ARFGAP3: variants seen among roughly 807,000 people sequenced by gnomAD.
The protein encoded by ARFGAP3 is ADP-ribosylation factor GTPase-activating protein 3.
A neutral mutation model predicts 75.0 loss-of-function variants in ARFGAP3; 72 were observed. The ratio of observed to expected loss-of-function variants is 0.96; its 90% CI spans 0.79 to 1.17. The LOEUF is 1.17. Among genes scored for constraint, ARFGAP3 ranks in the 50% most tolerant of loss-of-function variants. The pLI is 0.00. For synonymous variants in ARFGAP3, 221 were observed against 217.9 expected (o/e 1.01, Z -0.13); for missense variants, 620 against 626.6 (o/e 0.99, Z 0.11).
intron 2 of ARFGAP3, among the ~76,000 whole-genome samples, chr22:42,846,831 T>G (rs770155278): frequency 2.8e-4 from 42 of 152,242 alleles, no homozygotes; most frequent in Non-Finnish European, 5.3e-4. Flanking sequence ...AGAAGATGAT[T>G]GACATAAATC....
rs767829849 is a variant in ARFGAP3, at chr22:42,823,643, A to G, written c.672+13T>C. 6 of 1,540,424 alleles carry G rather than the reference A, an allele frequency of 3.9e-6. No individual in the cohort carries two copies. Among genetic ancestry groups the G allele is most frequent in the Non-Finnish European group, 5.3e-6 (6 of 1,131,844 alleles). The stretch of plus-strand genomic sequence containing the variant: ...ACTACCAGATTTTTATATATAAAGT[A>G]CATAATACTCACGCCTTTTTTAGCT... On this transcript the variant is annotated intron_variant, in intron 8 of 15. Coordinates refer to ENST00000263245, the MANE Select transcript of ARFGAP3 (RefSeq NM_014570.5).
At chr22:42,825,321 T>A (rs1291758023) in intron 7 of ARFGAP3, among the ~76,000 whole-genome samples, 1 of 152,212 alleles carries the variant, frequency 6.6e-6, no homozygotes, top group Non-Finnish European at 1.5e-5. Context: ...AAGCAGCCAG[T>A]GACGTGCTTT....
intron 1 of ARFGAP3, among the ~76,000 whole-genome samples, chr22:42,852,611 T>C (rs9607967): frequency 0.048 from 7,372 of 152,180 alleles, 284 homozygotes; most frequent in African/African-American, 0.11. Context: ...TCCACCCACC[T>C]TGGCCTCCCA....
At chr22:42,854,205 C>T (rs934296611) in intron 1 of ARFGAP3, among the ~76,000 whole-genome samples, 13 of 152,066 alleles carry the variant, frequency 8.5e-5, no homozygotes, top group Non-Finnish European at 2.9e-5. Context: ...AGTGTACATA[C>T]CTTTCATGCT....
chr22:42,849,420 C>A lies in ARFGAP3; in HGVS notation c.70-1788G>T, dbSNP rs375666095. On this transcript the variant is annotated intron_variant, in intron 1 of 15. Coordinates refer to ENST00000263245, the MANE Select transcript of ARFGAP3 (RefSeq NM_014570.5). The stretch of plus-strand genomic sequence containing the variant: ...GACTACGTTCCCTGCCCACTGAGGG[C>A]ACTGAGAGCTCTTACAGGGGTAGAA... 5.3e-5 allele frequency among the ~76,000 whole-genome samples: 8 copies of A among 152,296 alleles called. No homozygotes were observed. In the South Asian group the frequency reaches 1.0e-3, roughly 20 times the overall value.
At chr22:42,847,305 T>C in intron 2 of ARFGAP3, 1 of 474,678 alleles carries the variant, frequency 2.1e-6, no homozygotes, top group Non-Finnish European at 3.8e-6. Context: ...TAACTAGGAC[T>C]AGAGTTATAC....
intron 7 of ARFGAP3, among the ~76,000 whole-genome samples, chr22:42,824,895 G>A (rs546878827): frequency 2.6e-5 from 4 of 152,076 alleles, no homozygotes; most frequent in African/African-American, 9.6e-5. Context: ...CTTTATGTTC[G>A]TATGAACCCA....
At chr22:42,831,418 C>T (rs1323310187) in intron 6 of ARFGAP3, 131 bp downstream of exon 6, 19 of 843,778 alleles carry the variant, frequency 2.3e-5, no homozygotes, top group African/African-American at 1.0e-4. Flanking sequence ...GCGATCCCCC[C>T]GCCTCAGCCT....
chr22:42,796,517 T>C lies in ARFGAP3; in HGVS notation c.*1071A>G, dbSNP rs1924611188. 6.6e-6 allele frequency: 1 copy of C among 152,228 alleles called. No individual in the cohort carries two copies. Among genetic ancestry groups the C allele is most frequent in the African/African-American group, 2.4e-5 (1 of 41,442 alleles). 9.4% of individuals were successfully genotyped at this position (152,228 alleles called of 1,614,324 possible). A position where few individuals can be genotyped will look rare whatever the true frequency, so the allele number is the denominator to read the frequency against. ...TTACGAAAGCTTTCAGGGAAAAATGTAGGCAATGCCATCTGCTGCAAGTGT... is the reference window on the plus strand; with the variant it reads ...TTACGAAAGCTTTCAGGGAAAAATGCAGGCAATGCCATCTGCTGCAAGTGT... On this transcript the variant is annotated 3_prime_UTR_variant, in exon 16 of 16. Coordinates refer to ENST00000263245, the MANE Select transcript of ARFGAP3 (RefSeq NM_014570.5).
chr22:42,846,514 G>C (rs1444161587), intron 2 of ARFGAP3, among the ~76,000 whole-genome samples: 1 of 152,224 alleles, frequency 6.6e-6, no homozygotes, highest in African/African-American at 2.4e-5. Flanking sequence ...TTGCCATAGA[G>C]TATCAGAAGT....
At position 42,835,389 on chromosome 22, in the gene ARFGAP3, A is replaced by G. The variant is rs1423271579; in HGVS notation, c.366T>C (p.Ser122=). The change falls in exon 4 of 16, where the codon TCT becomes TCC. Residue 122 remains serine, a synonymous_variant. Coordinates refer to ENST00000263245, the MANE Select transcript of ARFGAP3 (RefSeq NM_014570.5). ...CAGTGCCATGCTTCCGTGTTGCTTG[A>G]GAGGCGAGCGATTTGATTTTCTCCC... ...LYREKIKSLA[S]QATRKHGTDL... is the part of the protein sequence containing the mutation. 1 of 1,614,024 alleles carries G rather than the reference A, an allele frequency of 6.2e-7. No homozygotes were observed. The highest frequency in any genetic ancestry group is 8.5e-7 in the Non-Finnish European group (1 of 1,179,986).
At chr22:42,848,589 C>T (rs1927129882) in intron 1 of ARFGAP3, among the ~76,000 whole-genome samples, 1 of 152,192 alleles carries the variant, frequency 6.6e-6, no homozygotes, top group Non-Finnish European at 1.5e-5. Context: ...CATGCCTTAT[C>T]CTTGAAGCAT....
intron 11 of ARFGAP3, among the ~76,000 whole-genome samples, chr22:42,814,364 C>T (rs187513891): frequency 2.6e-4 from 40 of 152,306 alleles, no homozygotes; most frequent in African/African-American, 8.4e-4. Context: ...TGGTGGTCAC[C>T]ATGCCAAGGA....
rs1303566693 is a variant in ARFGAP3 at position 42,797,491 on chromosome 22, T to C, written c.*97A>G. The C allele has an allele frequency of 1.3e-5, 20 of 1,489,778 alleles. No individual in the cohort carries two copies. The highest frequency in any genetic ancestry group is 1.9e-5 in the Non-Finnish European group (20 of 1,073,410). 92.3% of individuals were successfully genotyped at this position (1,489,778 alleles called of 1,614,324 possible). A position where few individuals can be genotyped will look rare whatever the true frequency, so the allele number is the denominator to read the frequency against. On this transcript the variant is annotated 3_prime_UTR_variant, in exon 16 of 16. Coordinates refer to ENST00000263245, the MANE Select transcript of ARFGAP3 (RefSeq NM_014570.5). ...ACCATATGAAAAAGTAGCAAAACAATCTGCAAAACTATCTGGACTTCACTG... is the reference window on the plus strand; with the variant it reads ...ACCATATGAAAAAGTAGCAAAACAACCTGCAAAACTATCTGGACTTCACTG...
intron 2 of ARFGAP3, among the ~76,000 whole-genome samples, chr22:42,841,865 CTTTT>C (rs5845565): frequency 2.9e-5 from 4 of 137,750 alleles, no homozygotes; most frequent in Admixed American, 7.3e-5. Flanking sequence ...TTACTAATTT[CTTTT>C]TTTTTTTTTT....
intron 9 of ARFGAP3, among the ~76,000 whole-genome samples, chr22:42,820,663 G>C (rs1475977807): frequency 6.6e-6 from 1 of 152,066 alleles, no homozygotes; most frequent in Non-Finnish European, 1.5e-5. Flanking sequence ...GAAAGTAAGA[G>C]AAAACACCAT....
chr22:42,826,153 T>A (rs543683317), intron 7 of ARFGAP3, among the ~76,000 whole-genome samples: 1 of 152,198 alleles, frequency 6.6e-6, no homozygotes, highest in Non-Finnish European at 1.5e-5. Flanking sequence ...GCTTTCCAAC[T>A]AATGCAATGG....
chr22:42,802,288 ATT>A (rs71752509), intron 14 of ARFGAP3, among the ~76,000 whole-genome samples: 12 of 142,668 alleles, frequency 8.4e-5, no homozygotes, highest in Admixed American at 1.4e-4. Context: ...CAAAATAACA[ATT>A]TTTTTTTTTT....
In ARFGAP3 at chr22:42,810,940, AG is replaced by A; in HGVS notation, c.1068del (p.Phe357LeufsTer7). The A allele has an allele frequency of 1.2e-6, 2 of 1,614,056 alleles. No homozygotes were observed. The highest frequency in any genetic ancestry group is 1.7e-6 in the Non-Finnish European group (2 of 1,179,934). ...CTCCTTAACTCCACTGGCTCGTCAA[AG>A]TAACTGTAGGAGCAAGAGTACAACA... ...DDSYFTSSSS[Y>X]FDEPVELRSS... On this transcript the variant is annotated frameshift_variant, in exon 12 of 16. Coordinates refer to ENST00000263245, the MANE Select transcript of ARFGAP3 (RefSeq NM_014570.5). LOFTEE classifies it high-confidence loss of function.
Sources: gnomAD v4.1 joint callset for allele counts (sites outside exome capture counted in the v4.1 genomes callset) on GRCh38, gnomAD v4.1.1 for gene constraint, MANE v1.5 for transcripts, NCBI Gene and HGNC (gene_info 2026-07-23, HGNC 2026-07-21) for gene names.